TRMO: variants seen among roughly 807,000 people sequenced by gnomAD.
The protein encoded by TRMO is tRNA methyltransferase O.
In TRMO, 30 loss-of-function variants were observed where a neutral mutation model predicts 37.2. The observed-to-expected ratio is 0.81, with a 90% CI of 0.60 to 1.09. The LOEUF (loss-of-function observed/expected upper bound fraction) is 1.09. TRMO is among the 50% of genes least tolerant of loss of function. TRMO has a pLI of 0.00. For missense variants in TRMO, 552 were observed against 549.5 expected, an observed-to-expected ratio of 1.00 and a Z score of -0.05; for synonymous variants, 239 against 199.4, an observed-to-expected ratio of 1.20 and a Z score of -1.67.
chr9:97,904,456 G>C (rs1319344512), downstream of TRMO: 5 of 1,211,946 alleles, frequency 4.1e-6, no homozygotes, highest in East Asian at 2.0e-4. Context: ...AGTGCACCAA[G>C]AACAGCTTCT....
chr9:97,912,973 AGGCTGC>A (rs1564109841), intron 3 of TRMO: 1 of 1,292,230 alleles, frequency 7.7e-7, no homozygotes, highest in African/African-American at 1.5e-5. Flanking sequence ...CATTTCCCCA[AGGCTGC>A]AAGGAAGGAA....
At chr9:97,916,080 C>T in intron 2 of TRMO, 84 bp downstream of exon 2, 3 of 1,003,738 alleles carry the variant, frequency 3.0e-6, no homozygotes, top group Non-Finnish European at 4.4e-6. Flanking sequence ...GGATGGCAGA[C>T]TCCAAGGTTG....
At chr9:97,916,784 C>A (rs1278663916) in intron 1 of TRMO, among the ~76,000 whole-genome samples, 1 of 147,200 alleles carries the variant, frequency 6.8e-6, no homozygotes, top group Non-Finnish European at 1.5e-5. Flanking sequence ...CGGCTCACTG[C>A]AACTTCTGCT....
At chr9:97,917,747 C>T (rs1826436510) in intron 1 of TRMO, among the ~76,000 whole-genome samples, 1 of 151,998 alleles carries the variant, frequency 6.6e-6, no homozygotes, top group South Asian at 2.1e-4. Flanking sequence ...GGCACAATCT[C>T]GGCTCACTGC....
chr9:97,908,208 C>T (rs151226469), intron 4 of TRMO, among the ~76,000 whole-genome samples: 57 of 152,138 alleles, frequency 3.7e-4, no homozygotes, highest in Admixed American at 1.2e-3. Flanking sequence ...GTCAGGAGAT[C>T]GAGACCATCC....
Position 97,910,111 on chromosome 9 carries a change from T to G in TRMO, c.915A>C (p.Thr305=), listed in dbSNP as rs751958460. 1.2e-6 allele frequency: 2 copies of G among 1,614,066 alleles called. No individual in the cohort carries two copies. Among genetic ancestry groups the G allele is most frequent in the Admixed American group, 1.7e-5 (1 of 60,004 alleles). The part of the protein sequence containing the change: ...AAVLQGSRAE[T]QPMAPHCPAG... ...CAGGGCAGTGAGGGGCCATGGGCTG[T>G]GTCTCTGCCCTGCTTCCTTGCAAGA... is the stretch of plus-strand genomic sequence containing the variant. Residue 305 remains threonine, a synonymous_variant, in exon 4 of 5, where the codon ACA becomes ACC. Transcript: ENST00000375119.
intron 1 of TRMO, among the ~76,000 whole-genome samples, chr9:97,919,099 G>A (rs1008368389): frequency 6.6e-6 from 1 of 152,092 alleles, no homozygotes; most frequent in African/African-American, 2.4e-5. Flanking sequence ...TATGTTTACA[G>A]GCATTGTTTT....
rs2131523327 is a variant in TRMO at position 97,909,942 on chromosome 9, T to C, written c.1066+18A>G. Reference sequence around the variant, plus strand: ...GTAAAAGTTCATCTCTCATTCAGAATGAAGAAACTGAAGATACCTTGTGAA... The same window carrying C: ...GTAAAAGTTCATCTCTCATTCAGAACGAAGAAACTGAAGATACCTTGTGAA... On this transcript the variant is annotated intron_variant, in intron 4 of 4. Coordinates refer to ENST00000375119, the MANE Select transcript of TRMO (RefSeq NM_016481.5). 1 of 1,492,028 alleles carries C rather than the reference T, an allele frequency of 6.7e-7. No individual in the cohort carries two copies. The highest frequency in any genetic ancestry group is 2.3e-5 in the East Asian group (1 of 43,794). The allele number at this position is 1,492,028 out of a possible 1,614,324, so 92.4% of individuals were successfully genotyped here. A position where few individuals can be genotyped will look rare whatever the true frequency, so the allele number is the denominator to read the frequency against.
At chr9:97,909,676 T>C (rs1262614665) in intron 4 of TRMO, among the ~76,000 whole-genome samples, 3 of 152,222 alleles carry the variant, frequency 2.0e-5, no homozygotes, top group Non-Finnish European at 4.4e-5. Flanking sequence ...TAAGAACTAC[T>C]GTAGCAAGTA....
downstream of TRMO, among the ~76,000 whole-genome samples, chr9:97,900,167 T>C (rs1372732108): frequency 2.6e-5 from 4 of 152,126 alleles, no homozygotes; most frequent in Non-Finnish European, 5.9e-5. Context: ...AACAGAGTGG[T>C]AGAAAAAGGC....
intron 1 of TRMO, among the ~76,000 whole-genome samples, 190 bp from the exon 2 acceptor site, chr9:97,916,528 A>G (rs1826370497): frequency 6.6e-6 from 1 of 152,150 alleles, no homozygotes; most frequent in Non-Finnish European, 1.5e-5. Flanking sequence ...ACATACACAT[A>G]CATCATTACA....
chr9:97,919,146 C>T (rs1202103648), intron 1 of TRMO, among the ~76,000 whole-genome samples: 2 of 151,950 alleles, frequency 1.3e-5, no homozygotes, highest in Non-Finnish European at 2.9e-5. Context: ...CTCATCCATG[C>T]TTCTATGGAA....
chr9:97,904,923 A>G lies in TRMO; in HGVS notation c.1136T>C (p.Leu379Pro). 1 of 1,614,224 alleles carries G rather than the reference A, an allele frequency of 6.2e-7. No homozygotes were observed. Among genetic ancestry groups the G allele is most frequent in the Non-Finnish European group, 8.5e-7 (1 of 1,180,034 alleles). The change falls in exon 5 of 5, where the codon CTG becomes CCG. Residue 379 changes from leucine (L) to proline (P), a missense_variant. Physicochemically the swap from Leu to Pro is moderately conservative, Grantham distance 98. Coordinates refer to ENST00000375119, the MANE Select transcript of TRMO (RefSeq NM_016481.5). ...GTACACAGACCGAGGATCCGCTGAC[A>G]GCACAGCCTCAATGGCACGCTTTGC... is the stretch of plus-strand genomic sequence containing the variant. ...EEAKRAIEAVLSADPRSVYRR... is the reference protein window; with the variant it reads ...EEAKRAIEAVPSADPRSVYRR...
chr9:97,903,060 A>C (rs1241136740), downstream of TRMO, among the ~76,000 whole-genome samples: 1 of 152,132 alleles, frequency 6.6e-6, no homozygotes, highest in South Asian at 2.1e-4. Flanking sequence ...TGGTACCAGG[A>C]GTTCAAGACC....
chr9:97,898,984 C>T, the TRMO span, among the ~76,000 whole-genome samples: 5 of 151,422 alleles, frequency 3.3e-5, no homozygotes, highest in East Asian at 3.9e-4. Flanking sequence ...GGACTACAGG[C>T]GCCTGTCACC....
chr9:97,921,467 A>G (rs1826628654), intron 1 of TRMO, among the ~76,000 whole-genome samples: 1 of 145,050 alleles, frequency 6.9e-6, no homozygotes, highest in Non-Finnish European at 1.5e-5. Context: ...TCTGTCGCCC[A>G]GGCCGGAGTG....
At chr9:97,908,187 GGA>G (rs1825941208) in intron 4 of TRMO, among the ~76,000 whole-genome samples, 1 of 152,048 alleles carries the variant, frequency 6.6e-6, no homozygotes, top group Non-Finnish European at 1.5e-5. Context: ...CCAAGGCGGG[GGA>G]ATCACAAGGT....
At chr9:97,919,675 T>C (rs1391080033) in intron 1 of TRMO, among the ~76,000 whole-genome samples, 1 of 152,220 alleles carries the variant, frequency 6.6e-6, no homozygotes, top group African/African-American at 2.4e-5. Flanking sequence ...CCTAGGAATT[T>C]ATATTATAGC....
chr9:97,910,184 G>C lies in TRMO; in HGVS notation c.842C>G (p.Ser281Ter). 6.2e-7 allele frequency: 1 copy of C among 1,614,176 alleles called. No homozygotes were observed. Residue 281 changes from serine to a stop codon, truncating the protein, a stop_gained, in exon 4 of 5, where the codon TCA becomes TGA. Coordinates refer to ENST00000375119, the MANE Select transcript of TRMO (RefSeq NM_016481.5). LOFTEE classifies it high-confidence loss of function. ...IGPYCPEKSF[S>*]EKGTDKKLER... is the part of the protein sequence containing the mutation. ...TAGCTTCTTGTCTGTACCTTTCTCT[G>C]AAAAGCTCTTCTCTGGGCAATATGG...
Sources: allele counts gnomAD v4.1 joint callset (sites outside exome capture counted in the v4.1 genomes callset), GRCh38; gene constraint gnomAD v4.1.1; transcripts MANE v1.5; gene names NCBI Gene and HGNC (gene_info 2026-07-23, HGNC 2026-07-21).